Variants in WWOX observed in about 807,000 individuals in gnomAD.
WWOX encodes WW domain-containing oxidoreductase.
Under a neutral mutation model 46.2 loss-of-function variants are expected in WWOX, and 69 were observed. That is an observed-to-expected ratio of 1.49 (90% CI 1.23 to 1.82). WWOX has a LOEUF of 1.82. Among genes scored for constraint, WWOX ranks in the 40% most tolerant of loss-of-function variants. WWOX has a pLI of 0.00. For synonymous variants in WWOX, 359 were observed against 202.6 expected (o/e 1.77, Z -6.56); for missense variants, 919 against 542.6 (o/e 1.69, Z -6.89).
At chr16:78,815,928 C>A (rs1049698225) in intron 8 of WWOX, among the ~76,000 whole-genome samples, 1 of 152,166 alleles carries the variant, frequency 6.6e-6, no homozygotes, top group Non-Finnish European at 1.5e-5. Flanking sequence ...AACCCATTCA[C>A]TGGCCCTGCT....
intron 8 of WWOX, among the ~76,000 whole-genome samples, chr16:78,605,208 A>G (rs1452419013): frequency 6.6e-6 from 1 of 150,652 alleles, no homozygotes; most frequent in Non-Finnish European, 1.5e-5. Context: ...CCACTTCATG[A>G]TATTTGATAT....
intron 8 of WWOX, among the ~76,000 whole-genome samples, chr16:78,823,399 A>C (rs2051559078): frequency 6.6e-6 from 1 of 152,172 alleles, no homozygotes; most frequent in Admixed American, 6.5e-5. Flanking sequence ...GTTCAATAAG[A>C]GGCAGGTGCT....
At chr16:78,860,157 C>G (rs34584497) in intron 8 of WWOX, among the ~76,000 whole-genome samples, 21,836 of 152,152 alleles carry the variant, frequency 0.14, 1,990 homozygotes, top group Non-Finnish European at 0.21. Context: ...TCGCCCATAT[C>G]CTAAAATGTA....
chr16:78,279,664 A>G (rs952677595), intron 5 of WWOX, among the ~76,000 whole-genome samples: 1 of 152,178 alleles, frequency 6.6e-6, no homozygotes, highest in African/African-American at 2.4e-5. Flanking sequence ...ATGCCAGGAG[A>G]ATGTATGGAA....
intron 8 of WWOX, among the ~76,000 whole-genome samples, chr16:78,476,914 C>A (rs1481157186): frequency 6.6e-6 from 1 of 152,144 alleles, no homozygotes; most frequent in African/African-American, 2.4e-5. Flanking sequence ...CCCTCTCCCC[C>A]TTCTCCTTTC....
At chr16:78,516,530 C>T (rs774065507) in intron 8 of WWOX, among the ~76,000 whole-genome samples, 1 of 152,168 alleles carries the variant, frequency 6.6e-6, no homozygotes, top group African/African-American at 2.4e-5. Flanking sequence ...TATCTGAACT[C>T]AGATTTCCTC....
intron 6 of WWOX, among the ~76,000 whole-genome samples, chr16:78,412,827 G>C (rs2082713790): frequency 6.6e-6 from 1 of 152,204 alleles, no homozygotes; most frequent in African/African-American, 2.4e-5. Context: ...AGACTGAATG[G>C]AGATGAATAT....
At chr16:78,107,818 CAAAT>C (rs572451177) in intron 1 of WWOX, among the ~76,000 whole-genome samples, 184 of 152,152 alleles carry the variant, frequency 1.2e-3, no homozygotes, top group African/African-American at 4.0e-3. Context: ...AAAAGAAACA[CAAAT>C]AAATAAACAT....
intron 8 of WWOX, among the ~76,000 whole-genome samples, chr16:78,738,119 A>G (rs1317547964): frequency 6.6e-6 from 1 of 152,082 alleles, no homozygotes; most frequent in Admixed American, 6.5e-5. Context: ...TTCCTGAAAA[A>G]CAGTTCAATT....
intron 8 of WWOX, among the ~76,000 whole-genome samples, chr16:78,734,504 A>C (rs2049038415): frequency 6.6e-6 from 1 of 152,154 alleles, no homozygotes; most frequent in African/African-American, 2.4e-5. Context: ...GAAGGGAGAC[A>C]TTTCTTTACC....
intron 8 of WWOX, among the ~76,000 whole-genome samples, chr16:79,104,697 T>C (rs2049272244): frequency 6.6e-6 from 1 of 152,192 alleles, no homozygotes; most frequent in African/African-American, 2.4e-5. Flanking sequence ...CGTTCCTCTG[T>C]TGATCAGTGA....
At chr16:78,829,735 A>G (rs535707130) in intron 8 of WWOX, among the ~76,000 whole-genome samples, 4 of 152,252 alleles carry the variant, frequency 2.6e-5, no homozygotes, top group South Asian at 2.1e-4. Flanking sequence ...ACCTAAGGAA[A>G]CTGAGACCCA....
intron 8 of WWOX, among the ~76,000 whole-genome samples, chr16:78,941,817 T>C (rs1462568021): frequency 6.6e-6 from 1 of 152,198 alleles, no homozygotes; most frequent in Non-Finnish European, 1.5e-5. Flanking sequence ...AAGTCAAGGA[T>C]TGTGCTTTTA....
intron 8 of WWOX, among the ~76,000 whole-genome samples, chr16:79,056,433 G>A (rs2048263800): frequency 6.6e-6 from 1 of 152,208 alleles, no homozygotes; most frequent in Admixed American, 6.5e-5. Context: ...TGTGGTTTAA[G>A]GATAGGTAAA....
chr16:78,283,587 C>G (rs576361455), intron 5 of WWOX, among the ~76,000 whole-genome samples: 1 of 152,090 alleles, frequency 6.6e-6, no homozygotes, highest in Non-Finnish European at 1.5e-5. Context: ...TTTTCTTTAA[C>G]TCACATAGGA....
chr16:78,603,362 G>A (rs2550601), intron 8 of WWOX, among the ~76,000 whole-genome samples: 2 of 152,102 alleles, frequency 1.3e-5, no homozygotes, highest in Non-Finnish European at 2.9e-5. Flanking sequence ...AGGGATGAAC[G>A]CCCCCACTGG....
chr16:79,185,638 C>T (rs1454408470), intron 8 of WWOX, among the ~76,000 whole-genome samples: 1 of 152,074 alleles, frequency 6.6e-6, no homozygotes, highest in African/African-American at 2.4e-5. Context: ...CAGGGAGGGC[C>T]TTTTGTCAAA....
rs536518437 is a variant in WWOX, at chr16:78,876,136, G to A, written c.1057-335472G>A. Reference sequence around the variant, plus strand: ...TAGTTTACATGACTTTCTTACCTACGCTACCTTATAATCCTTTTATAAATT... The same window carrying A: ...TAGTTTACATGACTTTCTTACCTACACTACCTTATAATCCTTTTATAAATT... On this transcript the variant is annotated intron_variant, in intron 8 of 8. Transcript: ENST00000566780. Among the ~76,000 whole-genome samples, 10 of 152,006 alleles carry A rather than the reference G, an allele frequency of 6.6e-5. No individual in the cohort carries two copies. The East Asian group carries it at 1.5e-3, about 24-fold the overall frequency.
Position 78,979,262 on chromosome 16 carries a change from C to A in WWOX, c.1057-232346C>A, listed in dbSNP as rs150866644. Among the ~76,000 whole-genome samples the A allele has an allele frequency of 2.0e-5, 3 of 152,264 alleles. No individual in the cohort carries two copies. In the East Asian group the frequency reaches 5.8e-4, roughly 29 times the overall value. On this transcript the variant is annotated intron_variant, in intron 8 of 8. Coordinates refer to ENST00000566780, the MANE Select transcript of WWOX (RefSeq NM_016373.4). ...AAGTAAAACAAGCCATCCCCATTCC[C>A]ACCTCCCAGAGATAACGCCTGTGTT...
Sources: allele counts gnomAD v4.1 joint callset (sites outside exome capture counted in the v4.1 genomes callset), GRCh38; gene constraint gnomAD v4.1.1; transcripts MANE v1.5; gene names NCBI Gene and HGNC (gene_info 2026-07-23, HGNC 2026-07-21).